Variants in SLC22A15 observed in about 807,000 individuals in gnomAD.
SLC22A15 encodes solute carrier family 22 member 15.
In SLC22A15, 45 loss-of-function variants were observed where a neutral mutation model predicts 62.7. That is an observed-to-expected ratio of 0.72 (90% CI 0.56 to 0.92). The LOEUF is 0.92. SLC22A15 is among the 40% of genes least tolerant of loss of function. The pLI is 0.00. For missense variants in SLC22A15, 622 were observed against 665.6 expected (o/e 0.93, Z 0.72); for synonymous variants, 264 against 267.0 (o/e 0.99, Z 0.11).
intron 2 of SLC22A15, among the ~76,000 whole-genome samples, chr1:116,013,495 G>C (rs1335960551): frequency 6.6e-6 from 1 of 152,140 alleles, no homozygotes; most frequent in East Asian, 1.9e-4. Context: ...GGGATGAGGG[G>C]AGAGTATTAC....
intron 4 of SLC22A15, among the ~76,000 whole-genome samples, chr1:116,024,417 G>C (rs1334906052): frequency 6.6e-6 from 1 of 152,156 alleles, no homozygotes; most frequent in Non-Finnish European, 1.5e-5. Context: ...GAATAGCGAA[G>C]TTGAAATTAA....
At chr1:116,049,977 CAT>C (rs1217033069) in intron 8 of SLC22A15, among the ~76,000 whole-genome samples, 2 of 152,078 alleles carry the variant, frequency 1.3e-5, no homozygotes, top group African/African-American at 4.8e-5. Context: ...CCTTCACACA[CAT>C]AAACTAGAAA....
intron 2 of SLC22A15, among the ~76,000 whole-genome samples, chr1:115,993,616 C>T (rs920849594): frequency 6.6e-6 from 1 of 152,006 alleles, no homozygotes. Context: ...AGGAGTCCTC[C>T]GTGGAGTGCC....
At chr1:115,999,645 A>G (rs1469439732) in intron 2 of SLC22A15, among the ~76,000 whole-genome samples, 1 of 151,888 alleles carries the variant, frequency 6.6e-6, no homozygotes, top group Non-Finnish European at 1.5e-5. Flanking sequence ...CTGGGACTAA[A>G]GGTGTGTGCT....
chr1:116,052,748 C>T (rs191390927), intron 8 of SLC22A15, among the ~76,000 whole-genome samples: 18 of 152,284 alleles, frequency 1.2e-4, no homozygotes, highest in East Asian at 1.9e-4. Flanking sequence ...TCGCGGTTCA[C>T]GAAAATCTAC....
At chr1:116,050,645 C>T (rs976423564) in intron 8 of SLC22A15, among the ~76,000 whole-genome samples, 3 of 152,132 alleles carry the variant, frequency 2.0e-5, no homozygotes, top group Non-Finnish European at 4.4e-5. Context: ...TGAAAGCATT[C>T]CCTCTGAGAA....
intron 2 of SLC22A15, among the ~76,000 whole-genome samples, chr1:115,993,479 A>G (rs535368271): frequency 6.7e-6 from 1 of 149,782 alleles, no homozygotes; most frequent in East Asian, 2.0e-4. Flanking sequence ...GTCTGTCTGT[A>G]TATATGTCTG....
At chr1:115,998,296 G>A (rs956955307) in intron 2 of SLC22A15, among the ~76,000 whole-genome samples, 2 of 151,870 alleles carry the variant, frequency 1.3e-5, no homozygotes, top group Non-Finnish European at 2.9e-5. Context: ...TACTGGCCTC[G>A]AAGGATCATT....
intron 2 of SLC22A15, among the ~76,000 whole-genome samples, chr1:115,995,635 C>T (rs1655384160): frequency 6.6e-6 from 1 of 152,190 alleles, no homozygotes; most frequent in Non-Finnish European, 1.5e-5. Flanking sequence ...CCCTTTCTCT[C>T]CCTTGTCTGT....
At chr1:116,030,848 C>G (rs1396767872) in intron 5 of SLC22A15, among the ~76,000 whole-genome samples, 1 of 152,010 alleles carries the variant, frequency 6.6e-6, no homozygotes, top group Non-Finnish European at 1.5e-5. Context: ...TCTCTACCTC[C>G]TACATGTCAC....
At chr1:116,047,838 A>G (rs1485184587) in intron 8 of SLC22A15, among the ~76,000 whole-genome samples, 2 of 152,214 alleles carry the variant, frequency 1.3e-5, no homozygotes, top group African/African-American at 4.8e-5. Context: ...AAATGATACA[A>G]GAAGTGAAGG....
chr1:116,027,901 A>T (rs1557895254), intron 5 of SLC22A15, among the ~76,000 whole-genome samples: 1 of 152,228 alleles, frequency 6.6e-6, no homozygotes, highest in African/African-American at 2.4e-5. Context: ...CTGGGATTAC[A>T]GGCGTGAGCC....
chr1:116,002,193 A>G (rs1174620844), intron 2 of SLC22A15, among the ~76,000 whole-genome samples: 1 of 152,224 alleles, frequency 6.6e-6, no homozygotes, highest in African/African-American at 2.4e-5. Context: ...TTTTCCAAAC[A>G]AACAGCATCT....
chr1:116,024,062 T>C (rs1049589156), intron 4 of SLC22A15, among the ~76,000 whole-genome samples: 1 of 152,180 alleles, frequency 6.6e-6, no homozygotes, highest in Non-Finnish European at 1.5e-5. Flanking sequence ...GTGGGGCATA[T>C]TAAATACAGG....
chr1:116,051,068 T>C (rs1658036890), intron 8 of SLC22A15, among the ~76,000 whole-genome samples: 1 of 152,130 alleles, frequency 6.6e-6, no homozygotes, highest in Non-Finnish European at 1.5e-5. Context: ...AAAGAAATCA[T>C]AGATTACACA....
At chr1:116,060,971 A>G (rs1017999397) in intron 8 of SLC22A15, among the ~76,000 whole-genome samples, 3 of 152,220 alleles carry the variant, frequency 2.0e-5, no homozygotes, top group East Asian at 3.9e-4. Context: ...ATAGTTAAGC[A>G]GGGAAGGTGA....
intron 2 of SLC22A15, among the ~76,000 whole-genome samples, chr1:115,996,125 G>A (rs1655409625): frequency 6.6e-6 from 1 of 152,116 alleles, no homozygotes; most frequent in South Asian, 2.1e-4. Context: ...TTTTAAGGAT[G>A]TTGTAAAAAT....
intron 8 of SLC22A15, among the ~76,000 whole-genome samples, chr1:116,046,289 G>T (rs1437321707): frequency 6.6e-6 from 1 of 152,016 alleles, no homozygotes; most frequent in African/African-American, 2.4e-5. Context: ...CTTTTTAAAA[G>T]ACTCTATTAC....
intron 1 of SLC22A15, among the ~76,000 whole-genome samples, chr1:115,981,698 A>G (rs932672514): frequency 6.6e-6 from 1 of 152,192 alleles, no homozygotes; most frequent in African/African-American, 2.4e-5. Flanking sequence ...TTGAGCCTGG[A>G]TGTCTCAAGA....
Sources: allele counts gnomAD v4.1 joint callset (sites outside exome capture counted in the v4.1 genomes callset), GRCh38; gene constraint gnomAD v4.1.1; transcripts MANE v1.5; gene names NCBI Gene and HGNC (gene_info 2026-07-23, HGNC 2026-07-21).